Variants in SYNE1 observed in about 807,000 individuals in gnomAD.
SYNE1 encodes the protein spectrin repeat containing nuclear envelope protein 1.
Under a neutral mutation model 1,111.0 loss-of-function variants are expected in SYNE1, and 616 were observed. That is an observed-to-expected ratio of 0.55 (90% confidence interval 0.52 to 0.59). The LOEUF (loss-of-function observed/expected upper bound fraction) is 0.59. SYNE1 is among the 20% of genes least tolerant of loss of function. SYNE1 has a pLI of 0.00. For synonymous variants in SYNE1, 3,855 were observed against 3,825.8 expected (o/e 1.01, Z -0.28); for missense variants, 10,006 against 10,417.0 (o/e 0.96, Z 1.72).
intron 51 of SYNE1, among the ~76,000 whole-genome samples, chr6:152,393,763 T>G (rs937260636): frequency 2.0e-5 from 3 of 152,172 alleles, no homozygotes; most frequent in Non-Finnish European, 4.4e-5. Flanking sequence ...ATACTGGGCA[T>G]GTTTGACTAA....
chr6:152,477,449 G>A (rs2098841722), intron 14 of SYNE1, among the ~76,000 whole-genome samples: 1 of 152,104 alleles, frequency 6.6e-6, no homozygotes, highest in Admixed American at 6.6e-5. Context: ...GTTTCAGACT[G>A]AGGGATGAGA....
At chr6:152,417,908 A>C (rs2098188805) in intron 40 of SYNE1, among the ~76,000 whole-genome samples, 1 of 152,176 alleles carries the variant, frequency 6.6e-6, no homozygotes, top group Non-Finnish European at 1.5e-5. Flanking sequence ...TTTCCATTAA[A>C]TTAGTTCCAA....
Position 152,331,505 on chromosome 6 carries a change from G to T in SYNE1, c.13180C>A (p.Leu4394Met). Reference protein sequence around the residue: ...LMDHLAICSELEAKQMLLKSL... With the variant: ...LMDHLAICSEMEAKQMLLKSL... ...TTCAGGAGCATCTGCTTGGCCTCCA[G>T]TTCACTGCAGATGGCCAGGTGATCC... The change falls in exon 78 of 146, where the codon CTG becomes ATG. Residue 4394 changes from leucine to methionine, a missense_variant. Leu to Met is a conservative substitution (Grantham distance 15). Around this residue, in one of 7 missense-constraint regions of SYNE1, gnomAD observed 4,955 missense variants for 5,017.2 expected, o/e 0.99. Transcript: ENST00000367255. The T allele has an allele frequency of 1.2e-6, 2 of 1,614,126 alleles. No individual in the cohort carries two copies. The highest frequency in any genetic ancestry group is 1.7e-6 in the Non-Finnish European group (2 of 1,180,012).
chr6:152,133,544 C>A, intron 142 of SYNE1, 56 bp from the exon 143 acceptor site: 1 of 1,549,206 alleles, frequency 6.5e-7, no homozygotes, highest in East Asian at 2.3e-5. Context: ...TTGGCAAAAG[C>A]TCCAAAAGTG....
chr6:152,608,389 G>A lies in SYNE1; in HGVS notation c.67+19876C>T, dbSNP rs534212010. On this transcript the variant is annotated intron_variant, in intron 3 of 145. Coordinates refer to ENST00000367255, the MANE Select transcript of SYNE1 (RefSeq NM_182961.4). ...TTTATAATAAGTGCTCTAATTACAG[G>A]TAAATGTAGTGTTCATAATTTTATA... Among the ~76,000 whole-genome samples, 3 of 152,146 alleles carry A rather than the reference G, an allele frequency of 2.0e-5. No homozygotes were observed. The South Asian group carries it at 6.2e-4, about 32-fold the overall frequency.
chr6:152,559,758 G>A (rs1196320949), intron 3 of SYNE1, among the ~76,000 whole-genome samples: 6 of 152,050 alleles, frequency 3.9e-5, no homozygotes, highest in Non-Finnish European at 4.4e-5. Context: ...AAACTTAGGA[G>A]AAGGAAGGAA....
At chr6:152,342,288 A>G (rs2096549197) in intron 74 of SYNE1, among the ~76,000 whole-genome samples, 1 of 152,166 alleles carries the variant, frequency 6.6e-6, no homozygotes, top group Non-Finnish European at 1.5e-5. Flanking sequence ...GTAACAGAGG[A>G]GAAAGATTAA....
In SYNE1 at chr6:152,127,428, A is replaced by G. The variant is rs375163662; in HGVS notation, c.26153+3292T>C. ...ATAATTGAAACACATTAAGTACTAA[A>G]TGAATGTCAGCAGCTTATCACTATT... is the stretch of plus-strand genomic sequence containing the variant. On this transcript the variant is annotated intron_variant, in intron 145 of 145. Coordinates refer to ENST00000367255, the MANE Select transcript of SYNE1 (RefSeq NM_182961.4). 4 of 152,324 alleles carry G rather than the reference A, an allele frequency of 2.6e-5. No individual in the cohort carries two copies. In the South Asian group the frequency reaches 8.3e-4, roughly 32 times the overall value. The allele number at this position is 152,324 out of a possible 1,614,324, so 9.4% of individuals were successfully genotyped here.
At chr6:152,164,351 C>T (rs772741659) in intron 130 of SYNE1, 26 bp from the exon 131 acceptor site, 14 of 1,613,542 alleles carry the variant, frequency 8.7e-6, no homozygotes, top group Admixed American at 5.0e-5. Flanking sequence ...GGGGAATGTC[C>T]CACTTCAGCG....
chr6:152,155,585 T>C (rs922796652), intron 132 of SYNE1, among the ~76,000 whole-genome samples: 1 of 152,238 alleles, frequency 6.6e-6, no homozygotes, highest in Non-Finnish European at 1.5e-5. Context: ...TCTGCTTTTA[T>C]TATTTAATTT....
chr6:152,269,222 T>C lies in SYNE1; in HGVS notation c.18638A>G (p.Gln6213Arg), dbSNP rs1343824931. ...GGTGCGAGCTTGGGCCAGCCATTCC[T>C]GGACGCCGGGGCTCTGCGTGGCTGT... ...DLTATQSPGVQEWLAQARTTW... is the reference protein window; with the variant it reads ...DLTATQSPGVREWLAQARTTW... The change falls in exon 99 of 146, where the codon CAG (glutamine) becomes CGG (arginine). Residue 6213 changes from glutamine (Q) to arginine (R), a missense_variant. By Grantham distance (43) the Gln-to-Arg change is conservative. Coordinates refer to ENST00000367255, the MANE Select transcript of SYNE1 (RefSeq NM_182961.4). 6.2e-7 allele frequency: 1 copy of C among 1,614,218 alleles called. No homozygotes were observed.
In SYNE1 at chr6:152,326,087, C is replaced by A. The variant is rs2153953099; in HGVS notation, c.15309G>T (p.Trp5103Cys). The A allele has an allele frequency of 6.2e-7, 1 of 1,614,036 alleles. No homozygotes were observed. Among genetic ancestry groups the A allele is most frequent in the South Asian group, 1.1e-5 (1 of 91,084 alleles). Residue 5103 changes from tryptophan (W) to cysteine (C), a missense_variant, in exon 80 of 146, where the codon TGG becomes TGT. Physicochemically the swap from Trp to Cys is radical, Grantham distance 215 (BLOSUM62 -2). Around this residue, in one of 7 missense-constraint regions of SYNE1, gnomAD observed 4,955 missense variants for 5,017.2 expected, o/e 0.99. Transcript: ENST00000367255. ...CTTCCCTTGCTTTCTGGTAATCGTGCCATTGAGCTGTGCATCTTGAAAGAG... is the reference window on the plus strand; with the variant it reads ...CTTCCCTTGCTTTCTGGTAATCGTGACATTGAGCTGTGCATCTTGAAAGAG... ...VDLLQRCTAQ[W>C]HDYQKAREEV...
At chr6:152,301,179 T>G (rs1191118304) in intron 92 of SYNE1, among the ~76,000 whole-genome samples, 2 of 151,730 alleles carry the variant, frequency 1.3e-5, no homozygotes, top group Non-Finnish European at 2.9e-5. Context: ...GGAAGATAAA[T>G]GCACCCAAAG....
intron 3 of SYNE1, among the ~76,000 whole-genome samples, chr6:152,549,056 C>T (rs1374261671): frequency 3.9e-5 from 6 of 152,168 alleles, no homozygotes; most frequent in Admixed American, 1.3e-4. Context: ...CCACCAGGCA[C>T]GTGAATGAGG....
In SYNE1 at chr6:152,465,951, A is replaced by T. The variant is rs1343348010; in HGVS notation, c.1729+31T>A. On this transcript the variant is annotated intron_variant, in intron 17 of 145. Transcript: ENST00000367255. Reference sequence around the variant, plus strand: ...CAGGCTCTAAATTCTACTGCAGTCTACGTTGCAACAAATTCTGTAGTATGT... The same window carrying T: ...CAGGCTCTAAATTCTACTGCAGTCTTCGTTGCAACAAATTCTGTAGTATGT... 2.7e-6 allele frequency: 4 copies of T among 1,461,694 alleles called. No individual in the cohort carries two copies. The South Asian group carries it at 4.5e-5, about 17-fold the overall frequency. 90.5% of individuals were successfully genotyped at this position (1,461,694 alleles called of 1,614,324 possible). A position where few individuals can be genotyped will look rare whatever the true frequency, so the allele number is the denominator to read the frequency against.
chr6:152,628,175 G>T, intron 3 of SYNE1, 90 bp downstream of exon 3: 1 of 1,420,964 alleles, frequency 7.0e-7, no homozygotes, highest in Non-Finnish European at 9.9e-7. Flanking sequence ...ATAATTCCAT[G>T]AAATTGAGTA....
At chr6:152,620,920 T>C (rs2099673966) in intron 3 of SYNE1, among the ~76,000 whole-genome samples, 1 of 152,180 alleles carries the variant, frequency 6.6e-6, no homozygotes, top group South Asian at 2.1e-4. Flanking sequence ...ATAGGTTAGA[T>C]ACATACACAC....
At position 152,373,143 on chromosome 6, in the gene SYNE1, AG is replaced by A; in HGVS notation, c.9400del (p.Leu3134CysfsTer2). On this transcript the variant is annotated frameshift_variant, in exon 59 of 146. Coordinates refer to ENST00000367255, the MANE Select transcript of SYNE1 (RefSeq NM_182961.4). LOFTEE classifies it high-confidence loss of function. ...CCCTTTCGCTTTCTCTTTGGTCAGC[AG>A]GGTACTCAGAAGTTCCCCTTTAGAC... Reference protein sequence around the residue: ...MLSKGELLSTLLTKEKAKGIQ... With the variant: ...MLSKGELLSTXLTKEKAKGIQ... 1 of 1,614,138 alleles carries A rather than the reference AG, an allele frequency of 6.2e-7. No individual in the cohort carries two copies. The highest frequency in any genetic ancestry group is 8.5e-7 in the Non-Finnish European group (1 of 1,180,038).
intron 29 of SYNE1, 49 bp downstream of exon 29, chr6:152,447,409 A>G: frequency 6.2e-7 from 1 of 1,602,200 alleles, no homozygotes; most frequent in South Asian, 1.1e-5. Flanking sequence ...AGAACCTTCC[A>G]GATGCCTCAC....
Sources: allele counts gnomAD v4.1 joint callset (sites outside exome capture counted in the v4.1 genomes callset), GRCh38; gene constraint gnomAD v4.1.1; regional missense constraint gnomAD v4.1.1; transcripts MANE v1.5; gene names NCBI Gene and HGNC (gene_info 2026-07-23, HGNC 2026-07-21).